SLC4A4: variants seen among roughly 807,000 people sequenced by gnomAD.
The protein encoded by SLC4A4 is electrogenic sodium bicarbonate cotransporter 1.
In SLC4A4, 27 loss-of-function variants were observed where a neutral mutation model predicts 111.5. The ratio of observed to expected loss-of-function variants is 0.24; its 90% CI spans 0.18 to 0.33. The LOEUF is 0.33. Among genes scored for constraint, SLC4A4 ranks in the 10% least tolerant of loss-of-function variants. The probability of loss-of-function intolerance (pLI) is 1.00; values close to 1 mark genes in which losing one functional copy is unlikely to be tolerated. For synonymous variants in SLC4A4, 443 were observed against 463.4 expected (o/e 0.96, Z 0.57); for missense variants, 909 against 1,315.5 (o/e 0.69, Z 4.78).
rs1742787685 is a variant in SLC4A4, at chr4:71,102,625, T to C, written c.-2+9833T>C. Among the ~76,000 whole-genome samples, 4 of 151,508 alleles carry C rather than the reference T, an allele frequency of 2.6e-5. No individual in the cohort carries two copies. In the South Asian group the frequency reaches 8.4e-4, roughly 32 times the overall value. ...AGTGGGGGCCAATATTCAACATTCT[T>C]AAAGAAAAGAATTTTCAACCCAGAA... On this transcript the variant is annotated intron_variant, in intron 2 of 26. Transcript: ENST00000649996.
intron 3 of SLC4A4, among the ~76,000 whole-genome samples, chr4:71,268,226 G>A (rs1722446102): frequency 6.6e-6 from 1 of 151,842 alleles, no homozygotes; most frequent in Non-Finnish European, 1.5e-5. Flanking sequence ...AATCCCTTAA[G>A]GATACCAATT....
intron 3 of SLC4A4, among the ~76,000 whole-genome samples, chr4:71,304,881 T>C (rs1004229710): frequency 6.6e-5 from 10 of 152,232 alleles, no homozygotes; most frequent in Admixed American, 3.9e-4. Flanking sequence ...ATTTTAATTT[T>C]GTGGACAACT....
intron 2 of SLC4A4, among the ~76,000 whole-genome samples, chr4:71,099,989 A>G (rs566539987): frequency 3.9e-5 from 6 of 152,162 alleles, no homozygotes; most frequent in Non-Finnish European, 8.8e-5. Flanking sequence ...GTAGCCCAGG[A>G]CCAGAGAGAT....
At chr4:71,123,754 T>C (rs1289103155) in intron 2 of SLC4A4, among the ~76,000 whole-genome samples, 1 of 152,192 alleles carries the variant, frequency 6.6e-6, no homozygotes. Context: ...TAGTGCACCG[T>C]TTGAGGACTT....
chr4:71,084,200 C>T (rs989353018), intron 1 of SLC4A4, among the ~76,000 whole-genome samples: 6 of 152,048 alleles, frequency 3.9e-5, no homozygotes, highest in African/African-American at 1.2e-4. Flanking sequence ...AATATCTTAA[C>T]ATCTTCTAAG....
chr4:71,413,005 G>T (rs1215612425), intron 7 of SLC4A4, among the ~76,000 whole-genome samples: 2 of 152,144 alleles, frequency 1.3e-5, no homozygotes, highest in East Asian at 3.9e-4. Context: ...CCTACTGGTG[G>T]CTCAGCCAGA....
At chr4:71,351,765 A>G (rs1306638644) in intron 5 of SLC4A4, among the ~76,000 whole-genome samples, 1 of 152,186 alleles carries the variant, frequency 6.6e-6, no homozygotes, top group Non-Finnish European at 1.5e-5. Flanking sequence ...TAATTATTTT[A>G]TACATTTATT....
intron 1 of SLC4A4, among the ~76,000 whole-genome samples, chr4:71,085,296 T>C (rs1430522658): frequency 2.6e-5 from 4 of 152,120 alleles, no homozygotes; most frequent in Admixed American, 2.0e-4. Context: ...TTGTAGATTC[T>C]GGATATTAGC....
chr4:71,536,995 C>G (rs1293837788), intron 18 of SLC4A4, among the ~76,000 whole-genome samples: 1 of 150,432 alleles, frequency 6.6e-6, no homozygotes, highest in African/African-American at 2.4e-5. Context: ...TATATGTATA[C>G]ACACATATAC....
chr4:71,509,646 G>A (rs1248074051), intron 16 of SLC4A4, among the ~76,000 whole-genome samples: 1 of 152,158 alleles, frequency 6.6e-6, no homozygotes, highest in East Asian at 1.9e-4. Context: ...TGTGCATGAT[G>A]GGTCAGCAGG....
chr4:71,354,146 T>G (rs1730083745), intron 5 of SLC4A4, among the ~76,000 whole-genome samples: 1 of 152,186 alleles, frequency 6.6e-6, no homozygotes, highest in African/African-American at 2.4e-5. Context: ...GTCATTCACG[T>G]ATGAAGCCGA....
intron 4 of SLC4A4, among the ~76,000 whole-genome samples, chr4:71,340,803 T>A (rs1728848607): frequency 6.6e-6 from 1 of 152,116 alleles, no homozygotes; most frequent in African/African-American, 2.4e-5. Context: ...AAAACATATA[T>A]GTAAATATAG....
At chr4:71,459,981 T>G (rs766504802) in intron 12 of SLC4A4, among the ~76,000 whole-genome samples, 3 of 152,102 alleles carry the variant, frequency 2.0e-5, no homozygotes, top group Non-Finnish European at 4.4e-5. Context: ...ACTTGTATCA[T>G]TGGTATATTT....
intron 1 of SLC4A4, among the ~76,000 whole-genome samples, chr4:71,068,698 A>T (rs538723380): frequency 1.3e-5 from 2 of 151,986 alleles, no homozygotes; most frequent in Admixed American, 1.3e-4. Context: ...AGTAGCTGAG[A>T]CTACAGGTAT....
intron 1 of SLC4A4, among the ~76,000 whole-genome samples, chr4:71,227,764 C>T (rs933020472): frequency 6.6e-6 from 1 of 152,136 alleles, no homozygotes. Context: ...TTTCATCTTG[C>T]CTGATTCCTG....
At chr4:71,311,331 GGACCAAGCA>G (rs1484770247) in intron 3 of SLC4A4, among the ~76,000 whole-genome samples, 1 of 152,092 alleles carries the variant, frequency 6.6e-6, no homozygotes, top group African/African-American at 2.4e-5. Flanking sequence ...ACTCAGCTAT[GGACCAAGCA>G]GACCTAATAG....
At chr4:71,513,176 G>A (rs1732081265) in intron 16 of SLC4A4, among the ~76,000 whole-genome samples, 1 of 152,028 alleles carries the variant, frequency 6.6e-6, no homozygotes, top group African/African-American at 2.4e-5. Flanking sequence ...ATTCTGTGAA[G>A]GTGGCAGTAT....
intron 1 of SLC4A4, among the ~76,000 whole-genome samples, chr4:71,067,741 G>A (rs1715158722): frequency 1.3e-5 from 2 of 151,950 alleles, no homozygotes; most frequent in East Asian, 1.9e-4. Flanking sequence ...TATAAAGTCT[G>A]TGCCTCTTAA....
intron 7 of SLC4A4, among the ~76,000 whole-genome samples, chr4:71,411,968 A>C (rs980255419): frequency 2.6e-5 from 4 of 152,242 alleles, no homozygotes; most frequent in African/African-American, 9.6e-5. Flanking sequence ...AGAGGTTTCT[A>C]ATGCCATGGT....
Sources: gnomAD v4.1 joint callset for allele counts (sites outside exome capture counted in the v4.1 genomes callset) on GRCh38, gnomAD v4.1.1 for gene constraint, MANE v1.5 for transcripts, NCBI Gene and HGNC (gene_info 2026-07-23, HGNC 2026-07-21) for gene names.